The following CSMD1 variants were observed in gnomAD, a reference collection of about 807,000 sequenced individuals.
CSMD1 encodes CUB and sushi domain-containing protein 1.
A neutral mutation model predicts 417.5 loss-of-function variants in CSMD1; 213 were observed. The observed-to-expected ratio is 0.51, with a 90% CI of 0.46 to 0.57. The LOEUF is 0.57. CSMD1 is among the 20% of genes least tolerant of loss of function. The probability of loss-of-function intolerance (pLI) is 0.00; values close to 1 mark genes in which losing one functional copy is unlikely to be tolerated. For synonymous variants in CSMD1, 2,862 were observed against 1,736.8 expected (o/e 1.65, Z -16.11); for missense variants, 6,923 against 4,529.7 (o/e 1.53, Z -15.17).
chr8:4,058,437 G>C (rs767236118), intron 3 of CSMD1, among the ~76,000 whole-genome samples: 31 of 152,102 alleles, frequency 2.0e-4, no homozygotes, highest in Non-Finnish European at 3.1e-4. Flanking sequence ...ATTTTCGGCT[G>C]GGACAATGGG....
chr8:4,912,296 G>A (rs1171054835), intron 1 of CSMD1, among the ~76,000 whole-genome samples: 2 of 151,882 alleles, frequency 1.3e-5, no homozygotes, highest in African/African-American at 4.8e-5. Context: ...AAATGACGTG[G>A]ACAGAAACAG....
At chr8:3,660,092 G>C (rs556125071) in intron 7 of CSMD1, among the ~76,000 whole-genome samples, 5 of 152,146 alleles carry the variant, frequency 3.3e-5, no homozygotes, top group Non-Finnish European at 7.3e-5. Context: ...AGGTACCATC[G>C]TGATGTATGT....
At chr8:4,533,648 A>C (rs1413474188) in intron 2 of CSMD1, among the ~76,000 whole-genome samples, 1 of 152,126 alleles carries the variant, frequency 6.6e-6, no homozygotes, top group African/African-American at 2.4e-5. Flanking sequence ...CAGACCCCAA[A>C]ACGATGTCAT....
At chr8:2,994,145 CAAAAAAAAAAAAAA>C (rs35438493) in intron 54 of CSMD1, among the ~76,000 whole-genome samples, 1 of 30,516 alleles carries the variant, frequency 3.3e-5, no homozygotes, top group African/African-American at 2.4e-4. Context: ...AACTCCATCT[CAAAAAAAAAAAAAA>C]AAAAAAAAAA....
At chr8:4,023,342 C>T (rs2688332) in intron 4 of CSMD1, among the ~76,000 whole-genome samples, 81,748 of 151,968 alleles carry the variant, frequency 0.54, 22,286 homozygotes, top group South Asian at 0.65. Context: ...CCCATTAATA[C>T]TGTATTAATG....
At chr8:4,391,367 C>T (rs1159957541) in intron 3 of CSMD1, among the ~76,000 whole-genome samples, 1 of 152,154 alleles carries the variant, frequency 6.6e-6, no homozygotes, top group African/African-American at 2.4e-5. Context: ...TGCTTTTCCA[C>T]TACAATGCAG....
chr8:4,989,067 A>C (rs1811327890), intron 1 of CSMD1, among the ~76,000 whole-genome samples: 1 of 152,222 alleles, frequency 6.6e-6, no homozygotes, highest in African/African-American at 2.4e-5. Flanking sequence ...CCTTGCATTT[A>C]GGCATGAATA....
At chr8:3,947,470 G>C (rs536515567) in intron 5 of CSMD1, among the ~76,000 whole-genome samples, 1 of 152,026 alleles carries the variant, frequency 6.6e-6, no homozygotes, top group Admixed American at 6.6e-5. Context: ...GTTTCATCCA[G>C]TTTAATTTTT....
chr8:3,622,566 A>G (rs1051734282), intron 7 of CSMD1, among the ~76,000 whole-genome samples: 1 of 152,256 alleles, frequency 6.6e-6, no homozygotes, highest in Non-Finnish European at 1.5e-5. Context: ...CACTTACTAA[A>G]AAAAGGTTAC....
chr8:3,752,449 G>A (rs1743963175), intron 6 of CSMD1, among the ~76,000 whole-genome samples: 1 of 152,038 alleles, frequency 6.6e-6, no homozygotes, highest in Non-Finnish European at 1.5e-5. Context: ...GAGGTCAGGA[G>A]TTCAAGACCA....
At chr8:4,992,060 C>G (rs774081090) in intron 1 of CSMD1, among the ~76,000 whole-genome samples, 13 of 152,168 alleles carry the variant, frequency 8.5e-5, no homozygotes, top group South Asian at 2.1e-4. Context: ...CTCCACTTCT[C>G]GGCTTCTACA....
chr8:4,261,438 GT>G (rs1803873780), intron 3 of CSMD1, among the ~76,000 whole-genome samples: 1 of 152,150 alleles, frequency 6.6e-6, no homozygotes, highest in African/African-American at 2.4e-5. Context: ...AATTGTCAAA[GT>G]TTACAAACTT....
At chr8:3,538,725 T>C (rs1030858644) in intron 10 of CSMD1, among the ~76,000 whole-genome samples, 34 of 152,222 alleles carry the variant, frequency 2.2e-4, no homozygotes, top group Non-Finnish European at 5.9e-5. Context: ...TTCCGTCACG[T>C]GCACTTGCGA....
chr8:3,855,583 T>C (rs1804243248), intron 5 of CSMD1, among the ~76,000 whole-genome samples: 1 of 152,220 alleles, frequency 6.6e-6, no homozygotes, highest in South Asian at 2.1e-4. Context: ...TGAGTTTCAG[T>C]TGGTACAATG....
Position 4,514,924 on chromosome 8 carries a change from C to A in CSMD1, c.303-94859G>T, listed in dbSNP as rs562274534. 2.7e-4 allele frequency among the ~76,000 whole-genome samples: 41 copies of A among 152,266 alleles called. No homozygotes were observed. The East Asian group carries it at 5.8e-3, about 22-fold the overall frequency. ...CGAGAACAGAGTAAGCAATATGAAT[C>A]CAGACTCATTCATTACATATCTCAC... On this transcript the variant is annotated intron_variant, in intron 2 of 69. Transcript: ENST00000635120.
chr8:4,237,922 C>T (rs768557384), intron 3 of CSMD1, among the ~76,000 whole-genome samples: 1 of 152,140 alleles, frequency 6.6e-6, no homozygotes, highest in Non-Finnish European at 1.5e-5. Context: ...TGAAGCTTTC[C>T]TCTCACTGGC....
intron 3 of CSMD1, among the ~76,000 whole-genome samples, chr8:4,050,821 G>T (rs1364397780): frequency 6.6e-6 from 1 of 152,114 alleles, no homozygotes; most frequent in South Asian, 2.1e-4. Flanking sequence ...TTTATCTCAA[G>T]TGCCAATTTT....
chr8:4,240,215 T>G (rs1802308983), intron 3 of CSMD1, among the ~76,000 whole-genome samples: 1 of 152,260 alleles, frequency 6.6e-6, no homozygotes. Flanking sequence ...GACAACCGGC[T>G]GCAGAGCGTA....
At chr8:4,006,823 ATTTT>A (rs759780050) in intron 4 of CSMD1, among the ~76,000 whole-genome samples, 20 of 95,960 alleles carry the variant, frequency 2.1e-4, no homozygotes, top group Non-Finnish European at 1.1e-4. Context: ...GACTTTTCCT[ATTTT>A]TTTTTTTTTT....
Sources: allele counts gnomAD v4.1 joint callset (sites outside exome capture counted in the v4.1 genomes callset), GRCh38; gene constraint gnomAD v4.1.1; transcripts MANE v1.5; gene names NCBI Gene and HGNC (gene_info 2026-07-23, HGNC 2026-07-21).